The following GDPD4 variants were observed in gnomAD, a reference collection of about 807,000 sequenced individuals.
The protein encoded by GDPD4 is glycerophosphodiester phosphodiesterase 6.
GDPD4 carries 60 observed loss-of-function variants against 67.8 expected under a neutral mutation model. The observed-to-expected ratio is 0.88, with a 90% CI of 0.72 to 1.10. The LOEUF is 1.10. Among genes scored for constraint, GDPD4 ranks in the 50% least tolerant of loss-of-function variants. The probability of loss-of-function intolerance (pLI) is 0.00; values close to 1 mark genes in which losing one functional copy is unlikely to be tolerated. For missense variants in GDPD4, 623 were observed against 613.9 expected, an observed-to-expected ratio of 1.01 and a Z score of -0.16; for synonymous variants, 212 against 210.9, an observed-to-expected ratio of 1.00 and a Z score of -0.04.
At chr11:77,285,054 C>T (rs1305562893) in intron 3 of GDPD4, 31 bp downstream of exon 3, 2 of 1,551,758 alleles carry the variant, frequency 1.3e-6, no homozygotes, top group Non-Finnish European at 1.8e-6. Flanking sequence ...AATACCCTTA[C>T]ACAAATGAAA....
chr11:77,219,645 C>T (rs1052276973), intron 16 of GDPD4, among the ~76,000 whole-genome samples: 1 of 152,168 alleles, frequency 6.6e-6, no homozygotes, highest in Non-Finnish European at 1.5e-5. Context: ...ATCCTTTCCC[C>T]ATTTCTTGTT....
At chr11:77,278,203 G>C (rs1012823555) in intron 4 of GDPD4, among the ~76,000 whole-genome samples, 1 of 151,984 alleles carries the variant, frequency 6.6e-6, no homozygotes, top group Non-Finnish European at 1.5e-5. Flanking sequence ...TGATCCACCC[G>C]CCTCGGCCTC....
At chr11:77,230,988 G>A (rs987938558) in intron 14 of GDPD4, among the ~76,000 whole-genome samples, 1 of 152,182 alleles carries the variant, frequency 6.6e-6, no homozygotes, top group East Asian at 1.9e-4. Flanking sequence ...CCTTGAGGAT[G>A]AGCGACGACA....
chr11:77,300,274 A>G (rs1186583161), intron 1 of GDPD4, among the ~76,000 whole-genome samples: 1 of 152,164 alleles, frequency 6.6e-6, no homozygotes, highest in Non-Finnish European at 1.5e-5. Context: ...TAGGGGAACG[A>G]CACAGCAGCA....
At chr11:77,289,335 C>G (rs1217732138) in intron 1 of GDPD4, among the ~76,000 whole-genome samples, 1 of 142,974 alleles carries the variant, frequency 7.0e-6, no homozygotes, top group Non-Finnish European at 1.5e-5. Context: ...TGCACTCCAG[C>G]CTAGGTGACA....
intron 3 of GDPD4, among the ~76,000 whole-genome samples, chr11:77,281,280 T>C (rs745844069): frequency 1.3e-5 from 2 of 152,118 alleles, no homozygotes; most frequent in Non-Finnish European, 2.9e-5. Flanking sequence ...CTTTCCCCAA[T>C]ACATATTGCA....
chr11:77,296,746 G>T (rs559291484), intron 1 of GDPD4, among the ~76,000 whole-genome samples: 1 of 151,964 alleles, frequency 6.6e-6, no homozygotes, highest in South Asian at 2.1e-4. Flanking sequence ...TGAAAATGAT[G>T]ATATGGCTGT....
chr11:77,217,889 C>G (rs1958153930), intron 16 of GDPD4, among the ~76,000 whole-genome samples: 2 of 152,156 alleles, frequency 1.3e-5, no homozygotes, highest in South Asian at 4.1e-4. Flanking sequence ...TATGCGTTTA[C>G]AATATACAGA....
rs1417488877 is a variant in GDPD4, at chr11:77,218,651, G to A, written c.1526-1337C>T. On this transcript the variant is annotated intron_variant, in intron 16 of 16. Coordinates refer to ENST00000315938, the MANE Select transcript of GDPD4 (RefSeq NM_182833.3). ...GAGAACATGCGGTGTTTGGTTTTCT[G>A]TCCTTGTGATGGTTTGCTCAGAATG... Among the ~76,000 whole-genome samples the A allele has an allele frequency of 2.0e-5, 3 of 152,110 alleles. No homozygotes were observed. The South Asian group carries it at 6.2e-4, about 32-fold the overall frequency.
intron 5 of GDPD4, among the ~76,000 whole-genome samples, chr11:77,275,730 C>T (rs1959432186): frequency 6.6e-6 from 1 of 152,024 alleles, no homozygotes; most frequent in Non-Finnish European, 1.5e-5. Flanking sequence ...TGGATAAGGC[C>T]CAAATAGGGG....
At chr11:77,251,130 G>A (rs1232149581) in intron 11 of GDPD4, among the ~76,000 whole-genome samples, 1 of 152,000 alleles carries the variant, frequency 6.6e-6, no homozygotes, top group Non-Finnish European at 1.5e-5. Context: ...TGACTAATTG[G>A]TTTACATTCA....
intron 3 of GDPD4, among the ~76,000 whole-genome samples, chr11:77,283,783 T>C (rs1051839974): frequency 6.6e-6 from 1 of 151,782 alleles, no homozygotes; most frequent in Non-Finnish European, 1.5e-5. Context: ...AATGCTGTCA[T>C]ATACCTCTGT....
At chr11:77,258,584 G>A (rs1466913769) in intron 10 of GDPD4, 42 bp from the exon 11 acceptor site, 2 of 1,594,738 alleles carry the variant, frequency 1.3e-6, no homozygotes, top group Non-Finnish European at 1.7e-6. Context: ...TAGATAGGCT[G>A]AATTTAGCTA....
At chr11:77,268,621 T>C in intron 9 of GDPD4, 82 bp from the exon 10 acceptor site, 2 of 1,139,238 alleles carry the variant, frequency 1.8e-6, no homozygotes, top group Non-Finnish European at 1.3e-6. Context: ...TAGAGCCCAG[T>C]AGGATTTTGG....
At chr11:77,256,339 CAT>C (rs1843696776) in intron 11 of GDPD4, among the ~76,000 whole-genome samples, 1 of 152,138 alleles carries the variant, frequency 6.6e-6, no homozygotes, top group Non-Finnish European at 1.5e-5. Flanking sequence ...ATATATGAGA[CAT>C]ATTGCAGACG....
chr11:77,248,505 T>C (rs1321290800), intron 11 of GDPD4, among the ~76,000 whole-genome samples: 1 of 152,026 alleles, frequency 6.6e-6, no homozygotes, highest in Non-Finnish European at 1.5e-5. Flanking sequence ...CGGCCAACAA[T>C]ACAATTTTCT....
At chr11:77,297,060 C>CAA (rs538534637) in intron 1 of GDPD4, among the ~76,000 whole-genome samples, 2,489 of 116,564 alleles carry the variant, frequency 0.021, 34 homozygotes, top group Non-Finnish European at 0.031. Context: ...TCAAAAAAAA[C>CAA]AAAAAAAAAA....
At chr11:77,230,561 A>T (rs1177935747) in intron 14 of GDPD4, among the ~76,000 whole-genome samples, 5 of 152,246 alleles carry the variant, frequency 3.3e-5, no homozygotes, top group Non-Finnish European at 7.3e-5. Context: ...TGTTCTGCTT[A>T]AAACAAACAG....
In GDPD4 at chr11:77,275,388, G is replaced by T. The variant is rs540997694; in HGVS notation, c.207+773C>A. Among the ~76,000 whole-genome samples the T allele has an allele frequency of 3.3e-5, 5 of 152,250 alleles. No individual in the cohort carries two copies. In the South Asian group the frequency reaches 6.2e-4, roughly 19 times the overall value. On this transcript the variant is annotated intron_variant, in intron 5 of 16. Transcript: ENST00000315938. The stretch of plus-strand genomic sequence containing the variant: ...ATATAGACCCTGTGAAAGAAATCAT[G>T]CTGGTGTTATTTTAAAGATATCCAA...
Sources: gnomAD v4.1 joint callset for allele counts (sites outside exome capture counted in the v4.1 genomes callset) on GRCh38, gnomAD v4.1.1 for gene constraint, MANE v1.5 for transcripts, NCBI Gene and HGNC (gene_info 2026-07-23, HGNC 2026-07-21) for gene names.